Variants in CELF5 observed in about 807,000 individuals in gnomAD.
CELF5 encodes CUG-BP and ETR-3 like factor 5.
CELF5 carries 6 observed loss-of-function variants against 54.9 expected under a neutral mutation model. The ratio of observed to expected loss-of-function variants is 0.11; its 90% CI spans 0.06 to 0.22. The LOEUF (loss-of-function observed/expected upper bound fraction) is 0.22. CELF5 is among the 10% of genes least tolerant of loss of function. The pLI, the probability that CELF5 is intolerant of heterozygous loss-of-function variation, is 1.00. For missense variants in CELF5, 401 were observed against 678.6 expected, an observed-to-expected ratio of 0.59 and a Z score of 4.54; for synonymous variants, 271 against 290.9, an observed-to-expected ratio of 0.93 and a Z score of 0.70.
intron 12 of CELF5, chr19:3,294,659 A>G (rs1429058): frequency 5.5e-4 from 83 of 151,962 alleles, no homozygotes; most frequent in African/African-American, 1.9e-3. Context: ...TTAACTGAGC[A>G]TCTATTATGT....
At chr19:3,250,369 G>A (rs1232535133) in intron 1 of CELF5, among the ~76,000 whole-genome samples, 2 of 152,018 alleles carry the variant, frequency 1.3e-5, no homozygotes, top group Non-Finnish European at 2.9e-5. Flanking sequence ...GGCGCCTGTA[G>A]TCCCAGCTAC....
intron 1 of CELF5, among the ~76,000 whole-genome samples, chr19:3,226,292 T>C (rs1380530872): frequency 6.6e-6 from 1 of 151,424 alleles, no homozygotes; most frequent in Admixed American, 6.6e-5. Flanking sequence ...AATGAATGAA[T>C]GAATGAATGA....
chr19:3,285,096 A>G (rs1599477907), intron 9 of CELF5, 132 bp downstream of exon 9: 1 of 674,570 alleles, frequency 1.5e-6, no homozygotes, highest in Non-Finnish European at 2.5e-6. Context: ...CCCGCCCCTC[A>G]GGGCCCACCC....
At chr19:3,290,874 C>A (rs2080334603) in intron 11 of CELF5, among the ~76,000 whole-genome samples, 1 of 151,608 alleles carries the variant, frequency 6.6e-6, no homozygotes, top group Non-Finnish European at 1.5e-5. Context: ...CCAATCCCAG[C>A]ACTTTGAGAG....
At chr19:3,257,745 G>A (rs1373769922) in intron 2 of CELF5, among the ~76,000 whole-genome samples, 2 of 151,430 alleles carry the variant, frequency 1.3e-5, no homozygotes, top group Admixed American at 6.6e-5. Context: ...CAAAGTGCTG[G>A]GATTACAGGC....
intron 5 of CELF5, among the ~76,000 whole-genome samples, chr19:3,279,340 C>T (rs1200533705): frequency 6.6e-6 from 1 of 151,998 alleles, no homozygotes; most frequent in Non-Finnish European, 1.5e-5. Context: ...AAGGAGTCCC[C>T]AGAAGCCATT....
At position 3,278,235 on chromosome 19, in the gene CELF5, G is replaced by A. The variant is rs781031647; in HGVS notation, c.603+125G>A. ...TAGCCCCTGGCTGTCCTTCAGAGGG[G>A]GCACAGGTGGAGAAAGAGGCGCAGT... On this transcript the variant is annotated intron_variant, in intron 5 of 12. Transcript: ENST00000292672. The surrounding 1 kb of genome is among the most constrained non-coding windows in gnomAD (Gnocchi z 4.5). The A allele has an allele frequency of 2.0e-5, 14 of 707,532 alleles. No individual in the cohort carries two copies. The highest frequency in any genetic ancestry group is 3.1e-5 in the Non-Finnish European group (13 of 417,714). The allele number at this position is 707,532 out of a possible 1,614,324, so 43.8% of individuals were successfully genotyped here.
At chr19:3,225,457 ACCCCTCCCTGCCC>A in intron 1 of CELF5, 5 of 439,252 alleles carry the variant, frequency 1.1e-5, no homozygotes, top group Non-Finnish European at 1.4e-5. Context: ...GAACGCCGGC[ACCCCTCCCTGCCC>A]CCCCACCCCC....
intron 8 of CELF5, among the ~76,000 whole-genome samples, chr19:3,283,984 C>T (rs1046884600): frequency 6.6e-5 from 10 of 151,818 alleles, no homozygotes; most frequent in African/African-American, 1.9e-4. Context: ...ACTACAGGCA[C>T]GTGCCATTAT....
Position 3,293,347 on chromosome 19 carries a change from C to A in CELF5, c.1359C>A (p.Ser453Arg). 6.2e-7 allele frequency: 1 copy of A among 1,614,146 alleles called. No individual in the cohort carries two copies. The highest frequency in any genetic ancestry group is 8.5e-7 in the Non-Finnish European group (1 of 1,179,988). Residue 453 changes from serine to arginine, a missense_variant, in exon 12 of 13, where the codon AGC (serine) becomes AGA (arginine). Coordinates refer to ENST00000292672, the MANE Select transcript of CELF5 (RefSeq NM_021938.4). The stretch of plus-strand genomic sequence containing the variant: ...TCGTGAGCTTTGATAACCCGGCCAG[C>A]GCCCAGGCAGCCATCCAGGCCATGA... ...FGFVSFDNPASAQAAIQAMNG... is the reference protein window; with the variant it reads ...FGFVSFDNPARAQAAIQAMNG...
intron 11 of CELF5, among the ~76,000 whole-genome samples, chr19:3,292,669 A>G (rs2080371447): frequency 6.6e-6 from 1 of 152,052 alleles, no homozygotes; most frequent in African/African-American, 2.4e-5. Flanking sequence ...CAGAGATGAG[A>G]CAGAAGGAGA....
At chr19:3,234,064 T>G (rs1339095936) in intron 1 of CELF5, among the ~76,000 whole-genome samples, 1 of 152,166 alleles carries the variant, frequency 6.6e-6, no homozygotes, top group Non-Finnish European at 1.5e-5. Context: ...AGGATTTGCA[T>G]TCTTGTCCCT....
intron 12 of CELF5, 153 bp from the exon 13 acceptor site, chr19:3,296,605 C>G (rs2080457977): frequency 6.6e-6 from 1 of 152,226 alleles, no homozygotes; most frequent in African/African-American, 2.4e-5. Flanking sequence ...GTGTGCCATG[C>G]CAATCTGCCT....
At chr19:3,290,142 A>T in intron 10 of CELF5, 89 bp from the exon 11 acceptor site, 2 of 975,028 alleles carry the variant, frequency 2.1e-6, no homozygotes, top group Non-Finnish European at 1.6e-6. Flanking sequence ...TGGAGAAGCC[A>T]GATGCGGGCT....
Position 3,296,843 on chromosome 19 carries a change from C to T in CELF5, c.*126C>T, listed in dbSNP as rs2080462154. 1 of 152,096 alleles carries T rather than the reference C, an allele frequency of 6.6e-6. No individual in the cohort carries two copies. Among genetic ancestry groups the T allele is most frequent in the Admixed American group, 6.6e-5 (1 of 15,266 alleles). 9.4% of individuals were successfully genotyped at this position (152,096 alleles called of 1,614,324 possible). A position where few individuals can be genotyped will look rare whatever the true frequency, so the allele number is the denominator to read the frequency against. ...CTTGCAAACTGACTTTTGGGACAAACCAACACACACACAGAAGAGAAAGCA... is the reference window on the plus strand; with the variant it reads ...CTTGCAAACTGACTTTTGGGACAAATCAACACACACACAGAAGAGAAAGCA... On this transcript the variant is annotated 3_prime_UTR_variant, in exon 13 of 13. Coordinates refer to ENST00000292672, the MANE Select transcript of CELF5 (RefSeq NM_021938.4).
At chr19:3,255,320 G>A (rs532394334) in intron 2 of CELF5, among the ~76,000 whole-genome samples, 1 of 152,184 alleles carries the variant, frequency 6.6e-6, no homozygotes, top group South Asian at 2.1e-4. Context: ...GAGTAGCTGG[G>A]ATTACAGGCA....
intron 9 of CELF5, 124 bp downstream of exon 9, chr19:3,285,088 C>T: frequency 1.3e-6 from 1 of 746,208 alleles, no homozygotes; most frequent in Non-Finnish European, 2.2e-6. Flanking sequence ...CCTCTGGCCC[C>T]GCCCCTCAGG....
At chr19:3,241,743 C>T (rs1207125864) in intron 1 of CELF5, among the ~76,000 whole-genome samples, 1 of 152,104 alleles carries the variant, frequency 6.6e-6, no homozygotes, top group Non-Finnish European at 1.5e-5. Context: ...TTTGATCCAG[C>T]CCCGTGTTTC....
intron 2 of CELF5, among the ~76,000 whole-genome samples, chr19:3,261,777 C>T (rs1329419073): frequency 6.6e-6 from 1 of 152,134 alleles, no homozygotes; most frequent in Non-Finnish European, 1.5e-5. Flanking sequence ...GCTAGGATTG[C>T]ACCACTGTAC....
Sources: gnomAD v4.1 joint callset for allele counts (sites outside exome capture counted in the v4.1 genomes callset) on GRCh38, gnomAD v4.1.1 for gene constraint, Gnocchi (gnomAD v3.1) non-coding constraint, MANE v1.5 for transcripts, NCBI Gene and HGNC (gene_info 2026-07-23, HGNC 2026-07-21) for gene names.